TRIM5: variants seen among roughly 807,000 people sequenced by gnomAD.
TRIM5 encodes the protein tripartite motif-containing protein 5.
A neutral mutation model predicts 35.6 loss-of-function variants in TRIM5; 31 were observed. That is an observed-to-expected ratio of 0.87 (90% CI 0.65 to 1.18). The LOEUF (loss-of-function observed/expected upper bound fraction) is 1.18, where lower values mean the gene tolerates loss of function less well. Among genes scored for constraint, TRIM5 ranks in the 50% most tolerant of loss-of-function variants. The pLI is 0.00. For missense variants in TRIM5, 609 were observed against 591.6 expected (o/e 1.03, Z -0.31); for synonymous variants, 243 against 215.6 (o/e 1.13, Z -1.11).
chr11:5,653,322 A>G, the TRIM5 span, among the ~76,000 whole-genome samples: 1 of 152,088 alleles, frequency 6.6e-6, no homozygotes, highest in Non-Finnish European at 1.5e-5. Flanking sequence ...TGGGTTGAAC[A>G]TATGTGTTAG....
At chr11:5,641,999 G>A in the TRIM5 span, among the ~76,000 whole-genome samples, 7 of 152,242 alleles carry the variant, frequency 4.6e-5, no homozygotes, top group Non-Finnish European at 7.4e-5. Flanking sequence ...CTACAGCTCA[G>A]AATACCACAT....
chr11:5,610,333 G>A, the TRIM5 span: 50 of 1,593,266 alleles, frequency 3.1e-5, no homozygotes, highest in Admixed American at 8.2e-4. Context: ...CGGTATTTGA[G>A]CATAGTGGCA....
At chr11:5,610,922 C>G in the TRIM5 span, 3 of 1,614,204 alleles carry the variant, frequency 1.9e-6, no homozygotes, top group Non-Finnish European at 2.5e-6. Flanking sequence ...GCTCCCAGCA[C>G]TTCTCCTCTG....
At chr11:5,671,180 C>T (rs772361230) in intron 4 of TRIM5, among the ~76,000 whole-genome samples, 6 of 151,882 alleles carry the variant, frequency 4.0e-5, no homozygotes, top group East Asian at 1.9e-4. Flanking sequence ...GAGTCAAGAT[C>T]GCACCACTAC....
At chr11:5,644,054 C>T in the TRIM5 span, 1 of 419,772 alleles carries the variant, frequency 2.4e-6, no homozygotes, top group East Asian at 3.5e-5. Context: ...CCATAGGAAC[C>T]ACCCCCATGA....
the TRIM5 span, among the ~76,000 whole-genome samples, chr11:5,592,394 T>G: frequency 6.6e-6 from 1 of 152,100 alleles, no homozygotes; most frequent in Non-Finnish European, 1.5e-5. Context: ...ATTTTACAGA[T>G]AGGGAAACTG....
intron 4 of TRIM5, among the ~76,000 whole-genome samples, chr11:5,673,068 A>G (rs1851690932): frequency 6.6e-6 from 1 of 152,202 alleles, no homozygotes; most frequent in African/African-American, 2.4e-5. Context: ...GGTAAATTTA[A>G]GTAAAACTAT....
the TRIM5 span, among the ~76,000 whole-genome samples, chr11:5,636,374 G>C: frequency 6.6e-6 from 1 of 152,156 alleles, no homozygotes; most frequent in South Asian, 2.1e-4. Context: ...GGAAGAATAG[G>C]AAGTAATTGC....
chr11:5,631,055 A>G, the TRIM5 span, among the ~76,000 whole-genome samples: 3 of 152,192 alleles, frequency 2.0e-5, no homozygotes, highest in Non-Finnish European at 4.4e-5. Context: ...GCCAACAGCC[A>G]TCTCCTTGCT....
chr11:5,681,684 T>C (rs939199688), intron 1 of TRIM5, among the ~76,000 whole-genome samples: 2 of 136,738 alleles, frequency 1.5e-5, no homozygotes, highest in Admixed American at 7.4e-5. Flanking sequence ...TCCTAATCGA[T>C]TCCTTCGTTA....
downstream of TRIM5, among the ~76,000 whole-genome samples, chr11:5,658,272 G>A (rs185755289): frequency 3.9e-5 from 6 of 152,294 alleles, no homozygotes; most frequent in East Asian, 1.2e-3. Context: ...AGATTGGTCG[G>A]GGATGTCAGA....
At chr11:5,614,893 A>C in the TRIM5 span, among the ~76,000 whole-genome samples, 4 of 152,290 alleles carry the variant, frequency 2.6e-5, no homozygotes, top group East Asian at 7.7e-4. Context: ...CAAGGCAATA[A>C]ATCAGATGGG....
At position 5,680,690 on chromosome 11, in the gene TRIM5, CT is replaced by C. The variant is rs1329143093; in HGVS notation, c.-61-453del. On this transcript the variant is annotated intron_variant, in intron 1 of 7. Coordinates refer to ENST00000380034, the MANE Select transcript of TRIM5 (RefSeq NM_033034.3). ...TGTTAGTACGATTTTATTAAATTCT[CT>C]CCTTACATGTTATATTATCAAAAAT... 4.6e-5 allele frequency among the ~76,000 whole-genome samples: 7 copies of C among 152,316 alleles called. No homozygotes were observed. In the East Asian group the frequency reaches 1.2e-3, roughly 25 times the overall value.
At chr11:5,645,528 AATCAGG>A in the TRIM5 span, among the ~76,000 whole-genome samples, 3 of 152,132 alleles carry the variant, frequency 2.0e-5, no homozygotes, top group Non-Finnish European at 4.4e-5. Flanking sequence ...ACAATCTTAC[AATCAGG>A]AAGAAGCAGA....
chr11:5,599,496 C>T, the TRIM5 span, among the ~76,000 whole-genome samples: 1 of 152,058 alleles, frequency 6.6e-6, no homozygotes, highest in Non-Finnish European at 1.5e-5. Context: ...CTCCACCTTC[C>T]GGGTTCACGC....
the TRIM5 span, chr11:5,633,892 C>G: frequency 5.0e-6 from 8 of 1,613,894 alleles, no homozygotes; most frequent in East Asian, 1.6e-4. Flanking sequence ...GAGAAAACTT[C>G]CTGGAAGGCA....
At chr11:5,677,479 A>C in intron 4 of TRIM5, among the ~76,000 whole-genome samples, 1 of 152,230 alleles carries the variant, frequency 6.6e-6, no homozygotes, top group East Asian at 1.9e-4. Flanking sequence ...GATGTGGAGA[A>C]ATAGGAACAC....
the TRIM5 span, chr11:5,603,834 T>C: frequency 6.1e-6 from 9 of 1,485,152 alleles, no homozygotes; most frequent in African/African-American, 9.9e-5. Context: ...AGTCTTTATT[T>C]ACCTAGAGAA....
intron 4 of TRIM5, among the ~76,000 whole-genome samples, chr11:5,676,850 G>A (rs1852022826): frequency 1.3e-5 from 2 of 150,476 alleles, no homozygotes; most frequent in African/African-American, 4.9e-5. Flanking sequence ...CAAGCAATGG[G>A]GAAAGGATTC....
Sources: allele counts gnomAD v4.1 joint callset (sites outside exome capture counted in the v4.1 genomes callset), GRCh38; gene constraint gnomAD v4.1.1; transcripts MANE v1.5; gene names NCBI Gene and HGNC (gene_info 2026-07-23, HGNC 2026-07-21).